Variants in RAB3GAP2 observed in about 807,000 individuals in gnomAD.
RAB3GAP2 encodes rab3 GTPase-activating protein non-catalytic subunit.
In RAB3GAP2, 87 loss-of-function variants were observed where a neutral mutation model predicts 185.3. The ratio of observed to expected loss-of-function variants is 0.47; its 90% confidence interval spans 0.39 to 0.56. The LOEUF is 0.56. Among genes scored for constraint, RAB3GAP2 ranks in the 20% least tolerant of loss-of-function variants. The pLI is 0.00. For missense variants in RAB3GAP2, 1,492 were observed against 1,638.2 expected, an observed-to-expected ratio of 0.91 and a Z score of 1.54; for synonymous variants, 554 against 576.1, an observed-to-expected ratio of 0.96 and a Z score of 0.55.
rs370104155 is a variant in RAB3GAP2 at position 220,150,369 on chromosome 1, GATA to G, written c.*879_*881del. ...TTTTTCAATACTGTTCCCAAGGACA[GATA>G]ATATTAGCAAATCCCAGAAGCATTT... On this transcript the variant is annotated 3_prime_UTR_variant, in exon 35 of 35. Coordinates refer to ENST00000358951, the MANE Select transcript of RAB3GAP2 (RefSeq NM_012414.4). The G allele has an allele frequency of 2.7e-3, 398 of 149,568 alleles. No homozygotes were observed. The highest frequency in any genetic ancestry group is 9.2e-3 in the African/African-American group (377 of 40,776). 9.3% of individuals were successfully genotyped at this position (149,568 alleles called of 1,614,324 possible).
At chr1:220,256,395 C>T (rs1660032270) in intron 1 of RAB3GAP2, among the ~76,000 whole-genome samples, 1 of 152,264 alleles carries the variant, frequency 6.6e-6, no homozygotes, top group Admixed American at 6.5e-5. Context: ...GGATCAAATC[C>T]ACACATAACA....
At chr1:220,163,354 G>A (rs1295051711) in intron 27 of RAB3GAP2, among the ~76,000 whole-genome samples, 1 of 151,486 alleles carries the variant, frequency 6.6e-6, no homozygotes, top group Non-Finnish European at 1.5e-5. Flanking sequence ...TCTGAAGTCA[G>A]TTAGTAACTT....
chr1:220,156,247 G>A (rs1206757698), intron 31 of RAB3GAP2, among the ~76,000 whole-genome samples: 3 of 152,114 alleles, frequency 2.0e-5, no homozygotes, highest in Non-Finnish European at 4.4e-5. Flanking sequence ...CACCATGACT[G>A]TCCGGGAGTC....
rs1190336220 is a variant in RAB3GAP2 at position 220,157,429 on chromosome 1, G to A, written c.3396C>T (p.Leu1132=). Residue 1132 remains leucine (L), a synonymous_variant, in exon 31 of 35, where the codon CTC becomes CTT. Coordinates refer to ENST00000358951, the MANE Select transcript of RAB3GAP2 (RefSeq NM_012414.4). ...VPVLDTEDAW[L]SVEGPISIVE... The stretch of plus-strand genomic sequence containing the variant: ...CTATGGAGATTGGTCCTTCCACGGA[G>A]AGCCACGCATCCTCAGTATCCAGCA... 3 of 1,613,838 alleles carry A rather than the reference G, an allele frequency of 1.9e-6. No homozygotes were observed. Among genetic ancestry groups the A allele is most frequent in the Non-Finnish European group, 1.7e-6 (2 of 1,180,024 alleles).
intron 10 of RAB3GAP2, 69 bp downstream of exon 10, chr1:220,196,181 A>T: frequency 1.3e-6 from 2 of 1,528,686 alleles, no homozygotes; most frequent in Middle Eastern, 1.7e-4. Flanking sequence ...GCAAGTTACC[A>T]TATCCAATTT....
At chr1:220,188,489 C>T (rs1266774805) in intron 17 of RAB3GAP2, among the ~76,000 whole-genome samples, 1 of 152,098 alleles carries the variant, frequency 6.6e-6, no homozygotes, top group Non-Finnish European at 1.5e-5. Context: ...TAAAAGAAAT[C>T]ACCAGTGGTG....
At chr1:220,241,559 A>G (rs1480970256) in intron 1 of RAB3GAP2, among the ~76,000 whole-genome samples, 1 of 152,070 alleles carries the variant, frequency 6.6e-6, no homozygotes, top group African/African-American at 2.4e-5. Flanking sequence ...TACTTGGCCA[A>G]GGCAAGAAAA....
intron 29 of RAB3GAP2, among the ~76,000 whole-genome samples, chr1:220,159,051 A>G (rs1657911234): frequency 6.6e-6 from 1 of 152,182 alleles, no homozygotes; most frequent in African/African-American, 2.4e-5. Flanking sequence ...CTTCATTTGA[A>G]CCTGCTTCAA....
intron 1 of RAB3GAP2, among the ~76,000 whole-genome samples, chr1:220,261,121 T>A (rs568897709): frequency 1.3e-5 from 2 of 152,174 alleles, no homozygotes; most frequent in African/African-American, 4.8e-5. Context: ...CTTGACCTGA[T>A]GAGATTCTCT....
At chr1:220,163,073 A>G (rs1367729216) in intron 27 of RAB3GAP2, among the ~76,000 whole-genome samples, 1 of 152,156 alleles carries the variant, frequency 6.6e-6, no homozygotes, top group Admixed American at 6.5e-5. Context: ...CAGGAGTTCA[A>G]GATTATTGTG....
chr1:220,242,929 G>A (rs1024653680), intron 1 of RAB3GAP2, among the ~76,000 whole-genome samples: 6 of 152,060 alleles, frequency 3.9e-5, no homozygotes, highest in African/African-American at 1.2e-4. Context: ...TTAATTTAGA[G>A]ATAAAAATGT....
At chr1:220,157,610 TA>T in intron 30 of RAB3GAP2, 122 bp from the exon 31 acceptor site, 2 of 1,098,740 alleles carry the variant, frequency 1.8e-6, no homozygotes, top group Non-Finnish European at 2.7e-6. Flanking sequence ...CAAATTGTAA[TA>T]AAAAAACACA....
intron 22 of RAB3GAP2, 109 bp downstream of exon 22, chr1:220,172,528 T>C (rs1477714977): frequency 1.1e-5 from 8 of 731,762 alleles, no homozygotes; most frequent in South Asian, 1.6e-5. Flanking sequence ...CGGTGAAATG[T>C]TTTGTACACT....
rs1030880335 is a variant in RAB3GAP2, at chr1:220,173,656, G to A, written c.2311-914C>T. Among the ~76,000 whole-genome samples the A allele has an allele frequency of 2.6e-5, 4 of 152,148 alleles. No homozygotes were observed. In the East Asian group the frequency reaches 7.7e-4, roughly 29 times the overall value. ...CTCCTTTTATCCTAATAACTTCTGT[G>A]GCAGGGATGATGATCCAGATTTCAG... is the stretch of plus-strand genomic sequence containing the variant. On this transcript the variant is annotated intron_variant, in intron 21 of 34. Transcript: ENST00000358951.
chr1:220,248,364 C>T (rs1659858293), intron 1 of RAB3GAP2, among the ~76,000 whole-genome samples: 1 of 151,786 alleles, frequency 6.6e-6, no homozygotes, highest in African/African-American at 2.4e-5. Context: ...AAGTGTTCTC[C>T]CAACCAAAAG....
intron 1 of RAB3GAP2, among the ~76,000 whole-genome samples, chr1:220,259,124 G>C (rs539916328): frequency 7.2e-5 from 11 of 152,042 alleles, no homozygotes; most frequent in Admixed American, 3.3e-4. Context: ...TGGATAGGAA[G>C]AATCAATATT....
intron 1 of RAB3GAP2, among the ~76,000 whole-genome samples, chr1:220,264,250 CTTGAG>C (rs1571936879): frequency 1.3e-5 from 2 of 152,096 alleles, no homozygotes; most frequent in African/African-American, 2.4e-5. Context: ...TTTCTTCTTG[CTTGAG>C]TTATTACAAT....
intron 6 of RAB3GAP2, 113 bp from the exon 7 acceptor site, chr1:220,210,602 C>T: frequency 4.0e-6 from 4 of 1,003,106 alleles, no homozygotes; most frequent in Admixed American, 1.8e-5. Context: ...ATACCAGGTA[C>T]ACTCTTTTCA....
chr1:220,243,353 C>CAA (rs34046394), intron 1 of RAB3GAP2, among the ~76,000 whole-genome samples: 21 of 107,602 alleles, frequency 2.0e-4, no homozygotes, highest in Admixed American at 6.6e-4. Flanking sequence ...GACTCCATCT[C>CAA]AAAAAAAAAA....
Sources: gnomAD v4.1 joint callset for allele counts (sites outside exome capture counted in the v4.1 genomes callset) on GRCh38, gnomAD v4.1.1 for gene constraint, MANE v1.5 for transcripts, NCBI Gene and HGNC (gene_info 2026-07-23, HGNC 2026-07-21) for gene names.